Variants in USP12 observed in about 807,000 individuals in gnomAD.
USP12 encodes the protein ubiquitin carboxyl-terminal hydrolase 12.
USP12 carries 19 observed loss-of-function variants against 45.5 expected under a neutral mutation model. That is an observed-to-expected ratio of 0.42 (90% confidence interval 0.29 to 0.61). The LOEUF (loss-of-function observed/expected upper bound fraction) is 0.61. Ranked by LOEUF, USP12 falls within the 20% of genes least tolerant of loss-of-function variation. The pLI, the probability that USP12 is intolerant of heterozygous loss-of-function variation, is 0.22. For missense variants in USP12, 242 were observed against 447.7 expected (o/e 0.54, Z 4.15); for synonymous variants, 149 against 148.8 (o/e 1.00, Z -0.01).
chr13:27,090,328 T>A (rs1044595528), intron 4 of USP12, among the ~76,000 whole-genome samples, 170 bp from the exon 5 acceptor site: 9 of 152,162 alleles, frequency 5.9e-5, no homozygotes, highest in African/African-American at 2.2e-4. Context: ...ACTGAATAAA[T>A]AACCCCTACC....
chr13:27,164,452 G>A (rs186830144), intron 1 of USP12, among the ~76,000 whole-genome samples: 3 of 152,330 alleles, frequency 2.0e-5, no homozygotes, highest in Admixed American at 2.0e-4. Flanking sequence ...TGAAAGAGAA[G>A]CAGCAGCAAA....
intron 1 of USP12, among the ~76,000 whole-genome samples, chr13:27,148,153 C>T (rs1385171524): frequency 2.7e-5 from 4 of 149,930 alleles, no homozygotes; most frequent in Non-Finnish European, 5.9e-5. Flanking sequence ...TTTTCTAAAA[C>T]GAAAACCTAA....
rs182260114 is a variant in USP12 at position 27,144,025 on chromosome 13, G to A, written c.49-27429C>T. On this transcript the variant is annotated intron_variant, in intron 1 of 8. Transcript: ENST00000282344. Reference sequence around the variant, plus strand: ...TCGAGACCAGCCTGGGCAACATGGGGAAACCCTGTCTCTACTAAGACTATG... The same window carrying A: ...TCGAGACCAGCCTGGGCAACATGGGAAAACCCTGTCTCTACTAAGACTATG... Among the ~76,000 whole-genome samples, 874 of 152,146 alleles carry A rather than the reference G, an allele frequency of 5.7e-3. 6 individuals carry two copies. Among genetic ancestry groups the A allele is most frequent in the African/African-American group, 0.02 (811 of 41,500 alleles).
chr13:27,101,011 T>C (rs1874840714), intron 3 of USP12, among the ~76,000 whole-genome samples: 2 of 152,230 alleles, frequency 1.3e-5, no homozygotes, highest in South Asian at 2.1e-4. Flanking sequence ...AATGTGCAAA[T>C]GTTTTTGCTT....
At chr13:27,082,088 G>A (rs548779493) in intron 6 of USP12, among the ~76,000 whole-genome samples, 1 of 152,198 alleles carries the variant, frequency 6.6e-6, no homozygotes, top group Admixed American at 6.5e-5. Context: ...GCTAACCAGA[G>A]AATCAGCCTG....
intron 2 of USP12, among the ~76,000 whole-genome samples, chr13:27,110,904 G>T (rs1319527848): frequency 6.6e-6 from 1 of 152,160 alleles, no homozygotes; most frequent in African/African-American, 2.4e-5. Flanking sequence ...GCAGGGAGAT[G>T]AAAGCAAAAG....
intron 6 of USP12, among the ~76,000 whole-genome samples, chr13:27,081,784 T>A (rs757385200): frequency 1.3e-5 from 2 of 152,238 alleles, no homozygotes; most frequent in Non-Finnish European, 2.9e-5. Flanking sequence ...TTAGCAGGCA[T>A]GAAAACAACA....
intron 1 of USP12, among the ~76,000 whole-genome samples, chr13:27,144,646 T>C (rs1305834448): frequency 6.6e-6 from 1 of 151,312 alleles, no homozygotes; most frequent in Non-Finnish European, 1.5e-5. Flanking sequence ...ACTAAAGAGA[T>C]GTAACAATCA....
Position 27,116,462 on chromosome 13 carries a change from G to A in USP12, c.129+54C>T, listed in dbSNP as rs1025280827. 43 of 1,551,476 alleles carry A rather than the reference G, an allele frequency of 2.8e-5. No individual in the cohort carries two copies. In the African/African-American group the frequency reaches 5.1e-4, roughly 18 times the overall value. On this transcript the variant is annotated intron_variant, in intron 2 of 8. Transcript: ENST00000282344. Reference sequence around the variant, plus strand: ...TAATAACTTATGGAATGCATTCATCGTTTTTAAAACTGCTTCCGAACATGA... The same window carrying A: ...TAATAACTTATGGAATGCATTCATCATTTTTAAAACTGCTTCCGAACATGA...
chr13:27,078,706 A>T (rs951457143), intron 6 of USP12, among the ~76,000 whole-genome samples: 10 of 151,994 alleles, frequency 6.6e-5, no homozygotes, highest in African/African-American at 2.2e-4. Context: ...AGAGAACATA[A>T]CAATCTTAAA....
intron 1 of USP12, among the ~76,000 whole-genome samples, chr13:27,137,935 C>T (rs889591100): frequency 1.3e-4 from 20 of 152,208 alleles, no homozygotes; most frequent in Admixed American, 1.0e-3. Flanking sequence ...GGCCTCTCAG[C>T]ACTGAGGGCA....
In USP12 at chr13:27,102,217, G is replaced by A. The variant is rs73497375; in HGVS notation, c.343+3514C>T. 2.3e-3 allele frequency among the ~76,000 whole-genome samples: 351 copies of A among 152,242 alleles called. 2 individuals are homozygous for A. The highest frequency in any genetic ancestry group is 7.7e-3 in the African/African-American group (318 of 41,540). On this transcript the variant is annotated intron_variant, in intron 3 of 8. Transcript: ENST00000282344. Reference sequence around the variant, plus strand: ...ATGATCCCAAACAGTCCAGTTGAGGGTCAACTCTAGCTAACACAATCAGAT... The same window carrying A: ...ATGATCCCAAACAGTCCAGTTGAGGATCAACTCTAGCTAACACAATCAGAT...
intron 1 of USP12, among the ~76,000 whole-genome samples, chr13:27,121,627 C>T (rs918275502): frequency 7.2e-5 from 11 of 151,910 alleles, no homozygotes; most frequent in African/African-American, 2.4e-4. Context: ...TTTGGGAGGC[C>T]GAGGCAGGTG....
rs1873019765 is a variant in USP12 at position 27,066,868 on chromosome 13, A to G, written c.*2415T>C. 1 of 152,146 alleles carries G rather than the reference A, an allele frequency of 6.6e-6. No individual in the cohort carries two copies. The highest frequency in any genetic ancestry group is 2.1e-4 in the South Asian group (1 of 4,828). 9.4% of individuals were successfully genotyped at this position (152,146 alleles called of 1,614,324 possible). On this transcript the variant is annotated 3_prime_UTR_variant, in exon 9 of 9. Transcript: ENST00000282344. ...TCATGGGTCACTTTTCTTACTTACT[A>G]TACCTGTATTTTTCCCCCAACCCTG... is the stretch of plus-strand genomic sequence containing the variant.
At chr13:27,140,285 T>C (rs938717745) in intron 1 of USP12, among the ~76,000 whole-genome samples, 3 of 152,144 alleles carry the variant, frequency 2.0e-5, no homozygotes, top group Non-Finnish European at 4.4e-5. Context: ...TATTTCTTAA[T>C]ATTGGAGCTA....
chr13:27,171,347 C>T (rs1465196344), intron 1 of USP12, among the ~76,000 whole-genome samples: 2 of 148,596 alleles, frequency 1.3e-5, no homozygotes, highest in Non-Finnish European at 3.0e-5. Flanking sequence ...GCCCACTCAC[C>T]GCTACCCTCG....
rs190181646 is a variant in USP12, at chr13:27,068,243, T to C, written c.*1040A>G. On this transcript the variant is annotated 3_prime_UTR_variant, in exon 9 of 9. Coordinates refer to ENST00000282344, the MANE Select transcript of USP12 (RefSeq NM_182488.4). ...TTAGAATACTTAAGAATTCTAAAGA[T>C]TGGTATACCACCACTGCACCAGAAT... 5 of 152,748 alleles carry C rather than the reference T, an allele frequency of 3.3e-5. No individual in the cohort carries two copies. The highest frequency in any genetic ancestry group is 1.3e-4 in the Admixed American group (2 of 15,302). The allele number at this position is 152,748 out of a possible 1,614,324, so 9.5% of individuals were successfully genotyped here.
At chr13:27,116,675 G>T in intron 1 of USP12, 79 bp from the exon 2 acceptor site, 1 of 1,319,482 alleles carries the variant, frequency 7.6e-7, no homozygotes, top group Non-Finnish European at 1.1e-6. Flanking sequence ...ATGACAGGCC[G>T]CAACATGATG....
chr13:27,147,084 T>G lies in USP12; in HGVS notation c.48+24508A>C, dbSNP rs1216152027. Among the ~76,000 whole-genome samples, 3 of 152,186 alleles carry G rather than the reference T, an allele frequency of 2.0e-5. No homozygotes were observed. The East Asian group carries it at 5.8e-4, about 29-fold the overall frequency. ...CCTGGTGAGATGCTGATTTTGGACT[T>G]CTGGAATCCAGAATTGTAAGATGAC... is the stretch of plus-strand genomic sequence containing the variant. On this transcript the variant is annotated intron_variant, in intron 1 of 8. Transcript: ENST00000282344.
Sources: gnomAD v4.1 joint callset for allele counts (sites outside exome capture counted in the v4.1 genomes callset) on GRCh38, gnomAD v4.1.1 for gene constraint, MANE v1.5 for transcripts, NCBI Gene and HGNC (gene_info 2026-07-23, HGNC 2026-07-21) for gene names.